Variants in ZFX observed in about 807,000 individuals in gnomAD.
ZFX encodes the protein zinc finger X-chromosomal protein.
For synonymous variants in ZFX, 196 were observed against 226.8 expected, an observed-to-expected ratio of 0.86 and a Z score of 1.22; for missense variants, 362 against 628.3, an observed-to-expected ratio of 0.58 and a Z score of 4.53.
intron 3 of ZFX, among the ~76,000 whole-genome samples, chrX:24,154,146 T>A (rs957356529): frequency 8.9e-6 from 1 of 112,456 alleles, no homozygotes; most frequent in Non-Finnish European, 1.9e-5. Flanking sequence ...ATTAGGCATT[T>A]AAAAAATATA....
chrX:24,153,515 T>G (rs1398674665), intron 3 of ZFX, among the ~76,000 whole-genome samples: 1 of 111,457 alleles, frequency 9.0e-6, no homozygotes, highest in Non-Finnish European at 1.9e-5. Context: ...CTAGGTTTGC[T>G]CATCTTACAA....
At chrX:24,208,727 T>A (rs1937808268) in intron 8 of ZFX, among the ~76,000 whole-genome samples, 173 bp from the exon 9 acceptor site, 1 of 111,533 alleles carries the variant, frequency 9.0e-6, no homozygotes, top group African/African-American at 3.3e-5. Context: ...GCTAGGCGTT[T>A]CCTACGGTCT....
chrX:24,171,696 A>G (rs913134750), intron 3 of ZFX, among the ~76,000 whole-genome samples: 2 of 111,340 alleles, frequency 1.8e-5, no homozygotes, highest in Admixed American at 1.9e-4. Flanking sequence ...TTAAGTAGAA[A>G]AGGGAGAATT....
rs1427248417 is a variant in ZFX, at chrX:24,214,429, C to T, written c.*3053C>T. ...TATTGAATGTTTAGTCTATTTGATACCAGTACTAAGTTAATGCTTTTTCTC... is the reference window on the plus strand; with the variant it reads ...TATTGAATGTTTAGTCTATTTGATATCAGTACTAAGTTAATGCTTTTTCTC... On this transcript the variant is annotated 3_prime_UTR_variant, in exon 10 of 10. Coordinates refer to ENST00000304543, the MANE Select transcript of ZFX (RefSeq NM_003410.4). 8.9e-6 allele frequency: 1 copy of T among 112,074 alleles called. No homozygotes were observed. The highest frequency in any genetic ancestry group is 1.9e-5 in the Non-Finnish European group (1 of 53,133). The allele number at this position is 112,074 out of a possible 1,213,427, so 9.2% of individuals were successfully genotyped here.
At position 24,208,967 on chromosome X, in the gene ZFX, T is replaced by C. The variant is rs780408035; in HGVS notation, c.1161T>C (p.Ser387=). 1.3e-4 allele frequency: 162 copies of C among 1,210,186 alleles called. 1 individual carries two copies. The Admixed American group carries it at 3.3e-3, about 25-fold the overall frequency. The change falls in exon 9 of 10, where the codon TCT becomes TCC. Residue 387 remains serine (S), a synonymous_variant. Coordinates refer to ENST00000304543, the MANE Select transcript of ZFX (RefSeq NM_003410.4). ...TASALLHIDE[S]AGLGRLAKQK... is the part of the protein sequence containing the mutation. ...GTGCCCTCTTGCACATAGATGAGTCTGCTGGCCTCGGCAGACTGGCTAAAC... is the reference window on the plus strand; with the variant it reads ...GTGCCCTCTTGCACATAGATGAGTCCGCTGGCCTCGGCAGACTGGCTAAAC...
At chrX:24,191,021 G>A (rs778127763) in intron 5 of ZFX, among the ~76,000 whole-genome samples, 17 of 111,902 alleles carry the variant, frequency 1.5e-4, no homozygotes, top group African/African-American at 5.5e-4. Context: ...GCTCAATCTC[G>A]ACTAGCTTCA....
At chrX:24,178,209 C>T (rs750261526) in intron 4 of ZFX, among the ~76,000 whole-genome samples, 24 of 106,645 alleles carry the variant, frequency 2.3e-4, no homozygotes, top group Middle Eastern at 5.5e-3. Context: ...GGATTACAGG[C>T]GTGAGCCACT....
chrX:24,178,313 G>A (rs1365077719), intron 4 of ZFX, among the ~76,000 whole-genome samples: 2 of 100,066 alleles, frequency 2.0e-5, no homozygotes, highest in African/African-American at 7.3e-5. Context: ...TTTTGAGACG[G>A]AGTCTCACTC....
chrX:24,187,286 C>G (rs1216224153), intron 5 of ZFX, among the ~76,000 whole-genome samples: 1 of 111,444 alleles, frequency 9.0e-6, no homozygotes, highest in Non-Finnish European at 1.9e-5. Context: ...AGTGTCCACT[C>G]TTAATTCTCT....
chrX:24,189,084 G>A (rs1004467570), intron 5 of ZFX, among the ~76,000 whole-genome samples: 2 of 112,087 alleles, frequency 1.8e-5, no homozygotes, highest in African/African-American at 6.5e-5. Context: ...TGATCCGCCT[G>A]CCTCGGCCTC....
chrX:24,194,246 C>T (rs1054278952), intron 5 of ZFX, among the ~76,000 whole-genome samples: 1 of 111,168 alleles, frequency 9.0e-6, no homozygotes, highest in Non-Finnish European at 1.9e-5. Context: ...TTTGCCTTAC[C>T]TACCCTTTGT....
At chrX:24,201,413 A>C (rs1319398132) in intron 5 of ZFX, among the ~76,000 whole-genome samples, 1 of 112,827 alleles carries the variant, frequency 8.9e-6, no homozygotes, top group Non-Finnish European at 1.9e-5. Context: ...TGGATTTTCT[A>C]GTCATCAGAG....
chrX:24,182,400 C>T (rs1036164725), intron 5 of ZFX, among the ~76,000 whole-genome samples: 5 of 111,003 alleles, frequency 4.5e-5, no homozygotes, highest in Admixed American at 3.9e-4. Flanking sequence ...AAGAAGTAGG[C>T]AGAAAAGAGT....
intron 5 of ZFX, among the ~76,000 whole-genome samples, chrX:24,184,535 A>G (rs1190591889): frequency 9.0e-6 from 1 of 110,929 alleles, no homozygotes; most frequent in Non-Finnish European, 1.9e-5. Flanking sequence ...TTTACTCAGC[A>G]TATCAGGTTC....
rs1938322861 is a variant in ZFX, at chrX:24,214,352, A to G, written c.*2976A>G. ...TATAGGGATGTGTGACATTATTGTA[A>G]TTGTGTACTTGAGAATAACGTGCAA... On this transcript the variant is annotated 3_prime_UTR_variant, in exon 10 of 10. Transcript: ENST00000304543. The G allele has an allele frequency of 8.9e-6, 1 of 112,230 alleles. No individual in the cohort carries two copies. The highest frequency in any genetic ancestry group is 2.8e-4 in the East Asian group (1 of 3,619). 9.2% of individuals were successfully genotyped at this position (112,230 alleles called of 1,213,427 possible).
Position 24,212,873 on chromosome X carries a change from GTTTT to G in ZFX, c.*1500_*1503del, listed in dbSNP as rs778154764. ...TGGAACATCACTAAGTCTTCCACAG[GTTTT>G]TTGTTTGTTTGTTTTTTTTTGTTGT... is the stretch of plus-strand genomic sequence containing the variant. On this transcript the variant is annotated 3_prime_UTR_variant, in exon 10 of 10. Coordinates refer to ENST00000304543, the MANE Select transcript of ZFX (RefSeq NM_003410.4). 2.8e-5 allele frequency: 3 copies of G among 108,135 alleles called. No individual in the cohort carries two copies. Among genetic ancestry groups the G allele is most frequent in the African/African-American group, 1.0e-4 (3 of 29,833 alleles). 8.9% of individuals were successfully genotyped at this position (108,135 alleles called of 1,213,427 possible). A position where few individuals can be genotyped will look rare whatever the true frequency, so the allele number is the denominator to read the frequency against.
chrX:24,189,088 C>T (rs764642169), intron 5 of ZFX, among the ~76,000 whole-genome samples: 2 of 112,053 alleles, frequency 1.8e-5, no homozygotes, highest in African/African-American at 3.2e-5. Context: ...CCGCCTGCCT[C>T]GGCCTCCCAA....
chrX:24,170,664 G>A (rs1483223026), intron 3 of ZFX, among the ~76,000 whole-genome samples: 1 of 95,085 alleles, frequency 1.1e-5, no homozygotes. Flanking sequence ...AGGCTGGAGT[G>A]CAATGGCATG....
chrX:24,177,250 T>A (rs1935233939), intron 4 of ZFX, among the ~76,000 whole-genome samples: 1 of 112,383 alleles, frequency 8.9e-6, no homozygotes, highest in African/African-American at 3.2e-5. Flanking sequence ...TTTTATTTTA[T>A]ATTTTTGATA....
Sources: gnomAD v4.1 joint callset for allele counts (sites outside exome capture counted in the v4.1 genomes callset) on GRCh38, gnomAD v4.1.1 for gene constraint, MANE v1.5 for transcripts, NCBI Gene and HGNC (gene_info 2026-07-23, HGNC 2026-07-21) for gene names.